The following ARSG variants were observed in gnomAD, a reference collection of about 807,000 sequenced individuals.
ARSG encodes arylsulfatase G.
A neutral mutation model predicts 50.5 loss-of-function variants in ARSG; 37 were observed. The observed-to-expected ratio is 0.73, with a 90% CI of 0.56 to 0.96. The LOEUF is 0.96. ARSG is among the 50% of genes least tolerant of loss of function. The pLI, the probability that ARSG is intolerant of heterozygous loss-of-function variation, is 0.00. For synonymous variants in ARSG, 225 were observed against 254.6 expected, an observed-to-expected ratio of 0.88 and a Z score of 1.11; for missense variants, 629 against 675.3, an observed-to-expected ratio of 0.93 and a Z score of 0.76.
chr17:68,274,188 G>T, intron 1 of ARSG: 1 of 1,092,160 alleles, frequency 9.2e-7, no homozygotes, highest in Non-Finnish European at 1.3e-6. Context: ...AAATATGGCC[G>T]AGCGCAGTGG....
chr17:68,434,510 G>A, the ARSG span: 5 of 1,606,904 alleles, frequency 3.1e-6, no homozygotes, highest in South Asian at 2.2e-5. Flanking sequence ...GGTCCCTGCG[G>A]GACTTCTGCG....
At chr17:68,269,783 C>T (rs2144926678) in intron 1 of ARSG, among the ~76,000 whole-genome samples, 1 of 146,022 alleles carries the variant, frequency 6.8e-6, no homozygotes, top group East Asian at 2.1e-4. Context: ...AAGCGATTCT[C>T]CTGCCTCAGC....
chr17:68,366,597 T>G (rs1445791737), intron 6 of ARSG, among the ~76,000 whole-genome samples: 1 of 152,120 alleles, frequency 6.6e-6, no homozygotes, highest in Non-Finnish European at 1.5e-5. Flanking sequence ...TGGAGATGTT[T>G]TCTATCTGCA....
intron 1 of ARSG, among the ~76,000 whole-genome samples, chr17:68,281,872 CA>C (rs2075706600): frequency 1.3e-5 from 2 of 152,228 alleles, no homozygotes; most frequent in South Asian, 4.1e-4. Context: ...CAAAAAACTA[CA>C]AATATAGGAA....
Position 68,266,019 on chromosome 17 carries a change from G to A in ARSG, c.-552+6593G>A, listed in dbSNP as rs188089025. On this transcript the variant is annotated intron_variant, in intron 1 of 11. Coordinates refer to the ARSG transcript ENST00000448504. ...CCAACCCCTGGCATGTAGAGTCTGT[G>A]CTGTTTACTTACAGGTTGCAACAGT... Among the ~76,000 whole-genome samples the A allele has an allele frequency of 1.5e-3, 222 of 152,212 alleles. 4 individuals carry two copies. The highest frequency in any genetic ancestry group is 0.014 in the Middle Eastern group (4 of 294).
chr17:68,398,912 G>T (rs1229640355), intron 10 of ARSG, among the ~76,000 whole-genome samples: 1 of 152,216 alleles, frequency 6.6e-6, no homozygotes, highest in African/African-American at 2.4e-5. Flanking sequence ...AGAGATGAGG[G>T]CTGGGAAGGG....
rs1412466825 is a variant in ARSG at position 68,352,707 on chromosome 17, G to A, written c.566+1021G>A. 3.9e-5 allele frequency among the ~76,000 whole-genome samples: 6 copies of A among 151,978 alleles called. No individual in the cohort carries two copies. The East Asian group carries it at 7.8e-4, about 20-fold the overall frequency. On this transcript the variant is annotated intron_variant, in intron 5 of 11. Coordinates refer to ENST00000621439, the MANE Select transcript of ARSG (RefSeq NM_001267727.2). ...GTATTTTTAGAAGAGACGGGGTTTC[G>A]CCATGTTGGCCAGGCTGGTCTTGAA...
chr17:68,434,277 T>G, the ARSG span, among the ~76,000 whole-genome samples: 1 of 152,172 alleles, frequency 6.6e-6, no homozygotes, highest in Admixed American at 6.5e-5. Flanking sequence ...ATTTTTGGAT[T>G]GTGACTCCCT....
At chr17:68,449,845 AAAAAAATACAG>A in the ARSG span, among the ~76,000 whole-genome samples, 82 of 152,236 alleles carry the variant, frequency 5.4e-4, no homozygotes, top group Non-Finnish European at 1.1e-3. Context: ...CTGGCAATAT[AAAAAAATACAG>A]AAAAATTAGC....
intron 2 of ARSG, among the ~76,000 whole-genome samples, chr17:68,335,380 C>T (rs1031990102): frequency 9.2e-5 from 14 of 151,856 alleles, no homozygotes; most frequent in African/African-American, 3.4e-4. Context: ...GGAGAAACCT[C>T]GTCTCTACTA....
chr17:68,385,445 C>T (rs890323304), intron 9 of ARSG, among the ~76,000 whole-genome samples: 1 of 150,454 alleles, frequency 6.6e-6, no homozygotes, highest in African/African-American at 2.4e-5. Flanking sequence ...AGGAGGATTG[C>T]TGAGGTCAGG....
intron 2 of ARSG, among the ~76,000 whole-genome samples, chr17:68,343,270 T>A (rs1331211818): frequency 6.6e-6 from 1 of 152,108 alleles, no homozygotes; most frequent in Admixed American, 6.5e-5. Flanking sequence ...AATTCTCCTG[T>A]CTCAGCCTCC....
At chr17:68,365,997 C>T (rs1254196100) in intron 6 of ARSG, among the ~76,000 whole-genome samples, 1 of 151,938 alleles carries the variant, frequency 6.6e-6, no homozygotes, top group Non-Finnish European at 1.5e-5. Flanking sequence ...GAGTGCAGTG[C>T]ACAATCTTGG....
At chr17:68,394,047 C>T (rs2081121612) in intron 9 of ARSG, among the ~76,000 whole-genome samples, 1 of 151,884 alleles carries the variant, frequency 6.6e-6, no homozygotes, top group Non-Finnish European at 1.5e-5. Flanking sequence ...ATTGTTCAGC[C>T]TTTATTCACA....
intron 1 of ARSG, among the ~76,000 whole-genome samples, chr17:68,305,824 A>G (rs1799014174): frequency 6.6e-6 from 1 of 152,034 alleles, no homozygotes; most frequent in East Asian, 1.9e-4. Flanking sequence ...CTGTAATCCC[A>G]GCACTTAAGG....
At chr17:68,307,959 A>T (rs2076672337) in intron 2 of ARSG, among the ~76,000 whole-genome samples, 1 of 152,162 alleles carries the variant, frequency 6.6e-6, no homozygotes. Context: ...AACAAGATAA[A>T]ACATTTTTGC....
chr17:68,384,323 C>G (rs543440038), intron 8 of ARSG, among the ~76,000 whole-genome samples: 2 of 152,134 alleles, frequency 1.3e-5, no homozygotes, highest in East Asian at 3.9e-4. Context: ...CTCATGTCTT[C>G]CAGCCCGCTA....
rs2075376228 is a variant in ARSG, at chr17:68,272,568, T to G, written c.-552+13142T>G. 7.0e-6 allele frequency: 11 copies of G among 1,567,274 alleles called. No individual in the cohort carries two copies. The Admixed American group carries it at 1.1e-4, about 15-fold the overall frequency. On this transcript the variant is annotated intron_variant, in intron 1 of 11. Coordinates refer to the ARSG transcript ENST00000448504. ...AAGTCATCCATACTGTTGGCAAAAG[T>G]TAGCGTAGCAAGAATACCTGAGTGA...
chr17:68,295,375 G>A (rs1333046795), intron 1 of ARSG, among the ~76,000 whole-genome samples: 2 of 151,994 alleles, frequency 1.3e-5, no homozygotes, highest in African/African-American at 4.8e-5. Context: ...TAACTCTGAA[G>A]TAACTTTTAC....
Sources: allele counts gnomAD v4.1 joint callset (sites outside exome capture counted in the v4.1 genomes callset), GRCh38; gene constraint gnomAD v4.1.1; transcripts MANE v1.5; gene names NCBI Gene and HGNC (gene_info 2026-07-23, HGNC 2026-07-21).